DNAH8: variants seen among roughly 807,000 people sequenced by gnomAD.
DNAH8 encodes dynein axonemal heavy chain 8, also known as axonemal beta dynein heavy chain 8.
DNAH8 carries 382 observed loss-of-function variants against 562.1 expected under a neutral mutation model. The observed-to-expected ratio is 0.68, with a 90% confidence interval of 0.63 to 0.74. The LOEUF (loss-of-function observed/expected upper bound fraction) is 0.74, where lower values mean the gene tolerates loss of function less well. DNAH8 is among the 30% of genes least tolerant of loss of function. The probability of loss-of-function intolerance (pLI) is 0.00; values close to 1 mark genes in which losing one functional copy is unlikely to be tolerated. For missense variants in DNAH8, 5,203 were observed against 5,620.4 expected, an observed-to-expected ratio of 0.93 and a Z score of 2.37; for synonymous variants, 1,881 against 1,919.4, an observed-to-expected ratio of 0.98 and a Z score of 0.52.
At chr6:38,737,776 A>G in intron 6 of DNAH8, 33 bp from the exon 7 acceptor site, 7 of 998,704 alleles carry the variant, frequency 7.0e-6, no homozygotes, top group Non-Finnish European at 8.1e-6. Flanking sequence ...TAATATATAA[A>G]TTAGTATTAA....
chr6:38,857,677 G>A lies in DNAH8; in HGVS notation c.5893G>A (p.Asp1965Asn), dbSNP rs1469417136. 9.3e-6 allele frequency: 15 copies of A among 1,613,762 alleles called. No individual in the cohort carries two copies. Among genetic ancestry groups the A allele is most frequent in the Admixed American group, 3.3e-5 (2 of 60,000 alleles). ...SQTTHDLSKF[D>N]RVKFETLITI... ...GACAACACATGATCTAAGCAAGTTT[G>A]ATAGAGTGAAGTTCGAGACTCTAAT... The change falls in exon 42 of 93, where the codon GAT becomes AAT. Residue 1965 changes from aspartate (D) to asparagine (N), a missense_variant. Asp to Asn is a conservative substitution (Grantham distance 23). Transcript: ENST00000327475.
chr6:38,936,176 C>G (rs1782950576), intron 77 of DNAH8: 1 of 152,166 alleles, frequency 6.6e-6, no homozygotes, highest in Admixed American at 6.6e-5. Context: ...TGGTGAAACT[C>G]AATCTATTTT....
chr6:38,869,439 A>G (rs955893836), intron 48 of DNAH8, among the ~76,000 whole-genome samples: 1 of 152,146 alleles, frequency 6.6e-6, no homozygotes, highest in Non-Finnish European at 1.5e-5. Context: ...AGCCTCCCTT[A>G]GATAATGGTA....
At chr6:38,856,784 T>A (rs1313530878) in intron 41 of DNAH8, among the ~76,000 whole-genome samples, 1 of 152,198 alleles carries the variant, frequency 6.6e-6, no homozygotes, top group African/African-American at 2.4e-5. Context: ...CCTGCCCCGC[T>A]TTCAGTCCTC....
chr6:38,887,253 G>A (rs1414893821), intron 57 of DNAH8, among the ~76,000 whole-genome samples: 1 of 152,100 alleles, frequency 6.6e-6, no homozygotes, highest in Non-Finnish European at 1.5e-5. Flanking sequence ...TTGGTGTTTT[G>A]GTTTTCAGGA....
chr6:38,837,270 G>A (rs2150362826), intron 32 of DNAH8, among the ~76,000 whole-genome samples: 1 of 152,216 alleles, frequency 6.6e-6, no homozygotes, highest in South Asian at 2.1e-4. Context: ...ATTCTCCAGG[G>A]CTGGGAATTT....
At chr6:38,945,182 A>G (rs568899379) in intron 79 of DNAH8, among the ~76,000 whole-genome samples, 23 of 152,306 alleles carry the variant, frequency 1.5e-4, no homozygotes, top group African/African-American at 5.5e-4. Flanking sequence ...TAGGTTGTTA[A>G]AAAATAAAAA....
chr6:38,939,819 CCA>C (rs1250702559), intron 79 of DNAH8, among the ~76,000 whole-genome samples: 1 of 152,110 alleles, frequency 6.6e-6, no homozygotes, highest in Non-Finnish European at 1.5e-5. Flanking sequence ...TTCTGGCTCC[CCA>C]CACCCCATAA....
chr6:38,840,821 T>G (rs1204941008), intron 33 of DNAH8, among the ~76,000 whole-genome samples: 1 of 152,218 alleles, frequency 6.6e-6, no homozygotes, highest in Non-Finnish European at 1.5e-5. Flanking sequence ...AAATGGTGTC[T>G]CTGGCATTCT....
At chr6:38,992,052 G>A (rs1438359458) in intron 88 of DNAH8, among the ~76,000 whole-genome samples, 1 of 151,684 alleles carries the variant, frequency 6.6e-6, no homozygotes, top group African/African-American at 2.4e-5. Context: ...CACAATCTCC[G>A]CCTCTCAGGT....
In DNAH8 at chr6:38,873,302, G is replaced by T; in HGVS notation, c.7546G>T (p.Glu2516Ter). 1 of 1,613,804 alleles carries T rather than the reference G, an allele frequency of 6.2e-7. No homozygotes were observed. The highest frequency in any genetic ancestry group is 8.5e-7 in the Non-Finnish European group (1 of 1,179,870). ...VFLTLYEKVF[E>*]DTYTYMKLNL... ...CCTGACACTGTATGAGAAAGTCTTT[G>T]AAGATACATACACATATATGAAGCT... Residue 2516 changes from glutamate (E) to a stop codon, truncating the protein, a stop_gained, in exon 52 of 93, where the codon GAA becomes TAA. Coordinates refer to ENST00000327475, the MANE Select transcript of DNAH8 (RefSeq NM_001206927.2). LOFTEE classifies it high-confidence loss of function.
Position 38,926,121 on chromosome 6 carries a change from A to G in DNAH8, c.11029A>G (p.Thr3677Ala), listed in dbSNP as rs1435027023. The G allele has an allele frequency of 6.2e-7, 1 of 1,613,738 alleles. No individual in the cohort carries two copies. The highest frequency in any genetic ancestry group is 2.2e-5 in the East Asian group (1 of 44,860). The change falls in exon 74 of 93, where the codon ACA becomes GCA. Residue 3677 changes from threonine (T) to alanine (A), a missense_variant. Transcript: ENST00000327475. The part of the protein sequence containing the change: ...DLSIQNGIIV[T>A]KATRYPLLID... ...CTCAATTCAGAATGGCATTATTGTG[A>G]CAAAGGCCACCAGATACCCACTCCT...
At chr6:38,952,733 A>G (rs1247027581) in intron 82 of DNAH8, among the ~76,000 whole-genome samples, 6 of 152,192 alleles carry the variant, frequency 3.9e-5, no homozygotes, top group South Asian at 2.1e-4. Flanking sequence ...ACACTGTTCT[A>G]TATTCTCAGT....
chr6:38,789,699 A>G, intron 18 of DNAH8, 104 bp from the exon 19 acceptor site: 1 of 751,412 alleles, frequency 1.3e-6, no homozygotes, highest in South Asian at 1.9e-5. Flanking sequence ...TGATGACAGG[A>G]CTACGAGGAA....
At chr6:38,874,066 C>T (rs796800005) in intron 52 of DNAH8, among the ~76,000 whole-genome samples, 204 of 19,052 alleles carry the variant, frequency 0.011, 16 homozygotes, top group African/African-American at 0.016. Context: ...TTCTTTCTTT[C>T]TTTTTCTTTC....
chr6:38,886,181 C>T (rs1778906331), intron 56 of DNAH8, among the ~76,000 whole-genome samples: 1 of 151,968 alleles, frequency 6.6e-6, no homozygotes, highest in Non-Finnish European at 1.5e-5. Flanking sequence ...GGATGGAACC[C>T]TGGAGAACAG....
chr6:38,987,136 C>T (rs925393345), intron 87 of DNAH8, among the ~76,000 whole-genome samples: 3 of 152,200 alleles, frequency 2.0e-5, no homozygotes, highest in African/African-American at 7.2e-5. Context: ...AATTCTTCAG[C>T]ATGTAGACAG....
chr6:38,993,790 T>C (rs1583529238), intron 88 of DNAH8, among the ~76,000 whole-genome samples: 1 of 152,202 alleles, frequency 6.6e-6, no homozygotes, highest in African/African-American at 2.4e-5. Flanking sequence ...GCTGCTCCAT[T>C]GTTTATATGG....
Position 38,866,602 on chromosome 6 carries a change from T to C in DNAH8, c.6510T>C (p.Tyr2170=), listed in dbSNP as rs949675164. Residue 2170 remains tyrosine, a synonymous_variant, in exon 46 of 93, where the codon TAT becomes TAC. Coordinates refer to ENST00000327475, the MANE Select transcript of DNAH8 (RefSeq NM_001206927.2). ...FGIFLTMNPG[Y]AGRQELPENL... Reference sequence around the variant, plus strand: ...ATTTTAACTTTTAGAACCCTGGATATGCTGGGCGCCAGGAACTACCAGAAA... The same window carrying C: ...ATTTTAACTTTTAGAACCCTGGATACGCTGGGCGCCAGGAACTACCAGAAA... The C allele has an allele frequency of 6.2e-7, 1 of 1,609,066 alleles. No homozygotes were observed. The highest frequency in any genetic ancestry group is 8.5e-7 in the Non-Finnish European group (1 of 1,178,470).
Sources: allele counts gnomAD v4.1 joint callset (sites outside exome capture counted in the v4.1 genomes callset), GRCh38; gene constraint gnomAD v4.1.1; transcripts MANE v1.5; gene names NCBI Gene and HGNC (gene_info 2026-07-23, HGNC 2026-07-21).